The following ARFIP1 variants were observed in gnomAD, a reference collection of about 807,000 sequenced individuals.
The protein encoded by ARFIP1 is arfaptin-1.
ARFIP1 carries 24 observed loss-of-function variants against 42.5 expected under a neutral mutation model. That is an observed-to-expected ratio of 0.57 (90% CI 0.41 to 0.80). The LOEUF (loss-of-function observed/expected upper bound fraction) is 0.80, where lower values mean the gene tolerates loss of function less well. Among genes scored for constraint, ARFIP1 ranks in the 30% least tolerant of loss-of-function variants. The pLI, the probability that ARFIP1 is intolerant of heterozygous loss-of-function variation, is 0.00. For missense variants in ARFIP1, 354 were observed against 434.0 expected (o/e 0.82, Z 1.64); for synonymous variants, 141 against 153.7 (o/e 0.92, Z 0.61).
chr4:152,898,052 C>T (rs561880089), intron 8 of ARFIP1, among the ~76,000 whole-genome samples: 129 of 144,194 alleles, frequency 8.9e-4, no homozygotes, highest in Middle Eastern at 3.9e-3. Flanking sequence ...GGCGCAATCT[C>T]GGCTCACTGC....
intron 2 of ARFIP1, among the ~76,000 whole-genome samples, chr4:152,839,988 C>G (rs1731933891): frequency 6.6e-6 from 1 of 151,698 alleles, no homozygotes; most frequent in South Asian, 2.1e-4. Context: ...TTAATTTCCA[C>G]CTTGTTTTCA....
chr4:152,890,651 G>A (rs1357897587), intron 8 of ARFIP1, among the ~76,000 whole-genome samples: 2 of 152,226 alleles, frequency 1.3e-5, no homozygotes, highest in Middle Eastern at 3.4e-3. Context: ...TGGCCTGAAC[G>A]GGGTAAGGGT....
At chr4:152,904,789 TA>T (rs1209974910) in intron 8 of ARFIP1, among the ~76,000 whole-genome samples, 1 of 152,238 alleles carries the variant, frequency 6.6e-6, no homozygotes, top group Non-Finnish European at 1.5e-5. Context: ...TTATCTGGTC[TA>T]TCATTGATGG....
At chr4:152,834,040 A>G (rs1393793556) in intron 2 of ARFIP1, among the ~76,000 whole-genome samples, 2 of 152,182 alleles carry the variant, frequency 1.3e-5, no homozygotes, top group African/African-American at 4.8e-5. Flanking sequence ...GTGGAAGGCA[A>G]AGCAGGCACA....
At chr4:152,874,726 A>G (rs1030487022) in intron 5 of ARFIP1, among the ~76,000 whole-genome samples, 7 of 152,194 alleles carry the variant, frequency 4.6e-5, no homozygotes, top group African/African-American at 1.4e-4. Flanking sequence ...GTGCAGTTGT[A>G]TGATCATGGA....
intron 8 of ARFIP1, among the ~76,000 whole-genome samples, chr4:152,903,156 TC>T (rs1737991978): frequency 1.3e-5 from 2 of 152,196 alleles, no homozygotes; most frequent in African/African-American, 4.8e-5. Context: ...CACATGCATA[TC>T]ATAGTACAAA....
chr4:152,821,049 A>T (rs954775666), intron 1 of ARFIP1, among the ~76,000 whole-genome samples: 7 of 152,358 alleles, frequency 4.6e-5, no homozygotes, highest in East Asian at 3.9e-4. Context: ...CATGAGAAGG[A>T]ACCAGAAAAC....
At position 152,863,684 on chromosome 4, in the gene ARFIP1, G is replaced by A. The variant is rs1188791761; in HGVS notation, c.172G>A (p.Glu58Lys). 2.5e-6 allele frequency: 4 copies of A among 1,609,844 alleles called. No individual in the cohort carries two copies. Among genetic ancestry groups the A allele is most frequent in the Admixed American group, 1.7e-5 (1 of 59,962 alleles). ...ITSHGFDNTK[E>K]GVIEAGAFQG... is the part of the protein sequence containing the mutation. ...ATCTCATGGCTTTGACAATACCAAA[G>A]AGGGTGTTATTGAAGCAGGAGCATT... The change falls in exon 3 of 9, where the codon GAG becomes AAG. Residue 58 changes from glutamate to lysine, a missense_variant. Transcript: ENST00000353617.
At chr4:152,838,631 G>T (rs1224538126) in intron 2 of ARFIP1, among the ~76,000 whole-genome samples, 2 of 152,164 alleles carry the variant, frequency 1.3e-5, no homozygotes, top group African/African-American at 4.8e-5. Context: ...GATTCATCTT[G>T]TATCTGGAAA....
At chr4:152,906,962 C>A (rs897072228) in intron 8 of ARFIP1, among the ~76,000 whole-genome samples, 2 of 152,188 alleles carry the variant, frequency 1.3e-5, no homozygotes, top group Admixed American at 1.3e-4. Context: ...TCAACTGTTA[C>A]CTCAATGAGC....
intron 2 of ARFIP1, among the ~76,000 whole-genome samples, chr4:152,834,159 G>T (rs924699349): frequency 6.6e-6 from 1 of 152,128 alleles, no homozygotes; most frequent in Non-Finnish European, 1.5e-5. Flanking sequence ...ATTACCAAGG[G>T]AGTGGTGTTA....
At chr4:152,889,384 T>C (rs1427525609) in intron 8 of ARFIP1, among the ~76,000 whole-genome samples, 1 of 150,254 alleles carries the variant, frequency 6.7e-6, no homozygotes, top group Non-Finnish European at 1.5e-5. Context: ...ATAGTGGCAA[T>C]AAAGGAAACC....
chr4:152,793,778 G>C (rs527652084), intron 1 of ARFIP1, among the ~76,000 whole-genome samples: 35 of 152,230 alleles, frequency 2.3e-4, no homozygotes, highest in Non-Finnish European at 4.6e-4. Flanking sequence ...TAAGGTGGGG[G>C]ACCTACTATA....
chr4:152,806,825 G>GTTTTTTTTTCTTTTTCTTTC (rs1729027401), intron 1 of ARFIP1, among the ~76,000 whole-genome samples: 2 of 148,406 alleles, frequency 1.3e-5, no homozygotes, highest in African/African-American at 5.0e-5. Flanking sequence ...CTCAACGTAA[G>GTTTTTTTTTCTTTTTCTTTC]TTTTTTTTTC....
chr4:152,780,508 G>C (rs1035921839), intron 1 of ARFIP1, among the ~76,000 whole-genome samples: 16 of 152,206 alleles, frequency 1.1e-4, no homozygotes, highest in Non-Finnish European at 5.9e-5. Flanking sequence ...GGTGGGAAAA[G>C]GAGTTGCAGG....
intron 5 of ARFIP1, among the ~76,000 whole-genome samples, chr4:152,880,292 G>A (rs1266170990): frequency 6.6e-6 from 1 of 151,286 alleles, no homozygotes; most frequent in Non-Finnish European, 1.5e-5. Flanking sequence ...GCAGTGAGCC[G>A]AGATTGGACC....
At chr4:152,885,084 CTGTTGTTTA>C (rs1287577248) in intron 7 of ARFIP1, among the ~76,000 whole-genome samples, 2 of 151,966 alleles carry the variant, frequency 1.3e-5, no homozygotes, top group African/African-American at 4.8e-5. Context: ...TTTGACTTTT[CTGTTGTTTA>C]TGAAATAGCT....
chr4:152,795,078 C>T (rs1438374706), intron 1 of ARFIP1, among the ~76,000 whole-genome samples: 2 of 152,090 alleles, frequency 1.3e-5, no homozygotes. Flanking sequence ...GTTCCCAAGC[C>T]CTTTCACTCT....
At chr4:152,869,509 G>A (rs1256990163) in intron 3 of ARFIP1, among the ~76,000 whole-genome samples, 2 of 151,320 alleles carry the variant, frequency 1.3e-5, no homozygotes, top group Admixed American at 1.3e-4. Context: ...GAGTGCAGTG[G>A]TGCGATCTTG....
Sources: allele counts gnomAD v4.1 joint callset (sites outside exome capture counted in the v4.1 genomes callset), GRCh38; gene constraint gnomAD v4.1.1; transcripts MANE v1.5; gene names NCBI Gene and HGNC (gene_info 2026-07-23, HGNC 2026-07-21).